Variants in TRDN observed in about 807,000 individuals in gnomAD.
The protein encoded by TRDN is triadin in skeletal muscle.
A neutral mutation model predicts 149.7 loss-of-function variants in TRDN; 161 were observed. The observed-to-expected ratio is 1.08, with a 90% CI of 0.95 to 1.23. The LOEUF (loss-of-function observed/expected upper bound fraction) is 1.23. Among genes scored for constraint, TRDN ranks in the 50% most tolerant of loss-of-function variants. TRDN has a pLI of 0.00. For synonymous variants in TRDN, 294 were observed against 250.5 expected (o/e 1.17, Z -1.64); for missense variants, 896 against 823.5 (o/e 1.09, Z -1.08).
chr6:123,550,892 T>C (rs1781348972), intron 2 of TRDN, among the ~76,000 whole-genome samples: 1 of 151,880 alleles, frequency 6.6e-6, no homozygotes. Context: ...GAAATGGCCG[T>C]TTGAATGGTG....
intron 38 of TRDN, among the ~76,000 whole-genome samples, chr6:123,230,529 AGT>A (rs530355967): frequency 2.9e-3 from 160 of 55,338 alleles, no homozygotes; most frequent in African/African-American, 0.02. Flanking sequence ...TAGAACTTAA[AGT>A]ATAATAATAA....
chr6:123,449,138 G>A (rs1022936906), intron 10 of TRDN, among the ~76,000 whole-genome samples: 1 of 152,030 alleles, frequency 6.6e-6, no homozygotes, highest in African/African-American at 2.4e-5. Context: ...GAAAACCAAC[G>A]CTGGTAATAT....
At chr6:123,549,782 T>G (rs1422791172) in intron 2 of TRDN, among the ~76,000 whole-genome samples, 2 of 151,982 alleles carry the variant, frequency 1.3e-5, no homozygotes, top group Non-Finnish European at 1.5e-5. Flanking sequence ...TAACAGTGTG[T>G]GTGGTGAGAT....
intron 19 of TRDN, among the ~76,000 whole-genome samples, chr6:123,373,177 T>C (rs1441429318): frequency 6.6e-6 from 1 of 152,170 alleles, no homozygotes; most frequent in African/African-American, 2.4e-5. Context: ...CCACACGTTG[T>C]GGAAGGGACC....
At chr6:123,567,429 A>G (rs1782348095) in intron 2 of TRDN, among the ~76,000 whole-genome samples, 1 of 152,170 alleles carries the variant, frequency 6.6e-6, no homozygotes, top group South Asian at 2.1e-4. Flanking sequence ...GCATTGCTAT[A>G]AAGAAATACC....
At chr6:123,408,678 C>CAA (rs577824087) in intron 12 of TRDN, among the ~76,000 whole-genome samples, 51,594 of 134,388 alleles carry the variant, frequency 0.38, 9,477 homozygotes, top group Middle Eastern at 0.5. Flanking sequence ...GACTTTTTCT[C>CAA]AAAAAAAAAA....
At chr6:123,554,737 A>G (rs1781562355) in intron 2 of TRDN, among the ~76,000 whole-genome samples, 1 of 152,190 alleles carries the variant, frequency 6.6e-6, no homozygotes, top group Non-Finnish European at 1.5e-5. Context: ...AAAAACAGAT[A>G]GGAAAAACAA....
At chr6:123,473,408 G>T (rs1172693083) in intron 9 of TRDN, among the ~76,000 whole-genome samples, 2 of 151,788 alleles carry the variant, frequency 1.3e-5, no homozygotes, top group African/African-American at 2.4e-5. Context: ...AGAATAAAAA[G>T]AAGTGAGCAA....
chr6:123,544,533 C>G (rs1014510638), intron 4 of TRDN, among the ~76,000 whole-genome samples: 3 of 151,870 alleles, frequency 2.0e-5, no homozygotes, highest in Admixed American at 6.6e-5. Context: ...TGATGTATAC[C>G]CTGGTGTGAA....
Position 123,421,249 on chromosome 6 carries a change from A to C in TRDN, c.1051+16814T>G, listed in dbSNP as rs77719643. Among the ~76,000 whole-genome samples the C allele has an allele frequency of 9.1e-3, 1,393 of 152,256 alleles. 10 individuals are homozygous for C. Among genetic ancestry groups the C allele is most frequent in the Non-Finnish European group, 0.016 (1,079 of 68,016 alleles). ...TAGGCCCTCCTTACCTGTCACCAGC[A>C]TTGTTGTAATTGACTTGAGCTCTGT... On this transcript the variant is annotated intron_variant, in intron 12 of 40. Transcript: ENST00000334268.
intron 13 of TRDN, among the ~76,000 whole-genome samples, chr6:123,392,326 G>A (rs185258938): frequency 2.7e-4 from 41 of 152,030 alleles, no homozygotes; most frequent in African/African-American, 9.6e-4. Flanking sequence ...CCTCATGAAT[G>A]CCTCTAACAT....
intron 24 of TRDN, among the ~76,000 whole-genome samples, chr6:123,307,560 A>G (rs187058274): frequency 6.6e-6 from 1 of 151,988 alleles, no homozygotes; most frequent in African/African-American, 2.4e-5. Flanking sequence ...CCTATAAACT[A>G]ATTTCTGTTT....
At chr6:123,600,478 G>A (rs904288095) in intron 1 of TRDN, among the ~76,000 whole-genome samples, 8 of 152,124 alleles carry the variant, frequency 5.3e-5, no homozygotes, top group African/African-American at 7.2e-5. Flanking sequence ...TGATGATGGC[G>A]CTGTGCAGTG....
chr6:123,607,080 A>C (rs1784559666), intron 1 of TRDN, among the ~76,000 whole-genome samples: 1 of 152,224 alleles, frequency 6.6e-6, no homozygotes, highest in African/African-American at 2.4e-5. Context: ...CAAAGCTTTC[A>C]GACACAGTCA....
chr6:123,556,532 A>AT (rs1459497129), intron 2 of TRDN, among the ~76,000 whole-genome samples: 1 of 151,928 alleles, frequency 6.6e-6, no homozygotes, highest in African/African-American at 2.4e-5. Flanking sequence ...TTGCAATATA[A>AT]TTTTTTCCTG....
At chr6:123,226,489 G>A (rs1019738065) in intron 38 of TRDN, among the ~76,000 whole-genome samples, 1 of 151,788 alleles carries the variant, frequency 6.6e-6, no homozygotes, top group Admixed American at 6.6e-5. Context: ...ACAAATGGAA[G>A]GAATAAAGAC....
At chr6:123,508,220 T>C (rs1375733694) in intron 7 of TRDN, among the ~76,000 whole-genome samples, 1 of 152,116 alleles carries the variant, frequency 6.6e-6, no homozygotes, top group Non-Finnish European at 1.5e-5. Flanking sequence ...ATTTGAAAAA[T>C]CTAAGTATCA....
At chr6:123,592,930 T>C (rs1783854383) in intron 1 of TRDN, among the ~76,000 whole-genome samples, 1 of 151,566 alleles carries the variant, frequency 6.6e-6, no homozygotes, top group South Asian at 2.1e-4. Flanking sequence ...AAAATCACTT[T>C]CTTTTTTAAT....
intron 12 of TRDN, among the ~76,000 whole-genome samples, chr6:123,422,480 C>T (rs1267665028): frequency 2.6e-5 from 4 of 152,040 alleles, no homozygotes; most frequent in Non-Finnish European, 4.4e-5. Flanking sequence ...AAGAGAGATT[C>T]AGAGAGAGAG....
Sources: allele counts gnomAD v4.1 joint callset (sites outside exome capture counted in the v4.1 genomes callset), GRCh38; gene constraint gnomAD v4.1.1; transcripts MANE v1.5; gene names NCBI Gene and HGNC (gene_info 2026-07-23, HGNC 2026-07-21).